TPO: variants seen among roughly 807,000 people sequenced by gnomAD.
TPO encodes thyroid microsomal antigen.
TPO carries 78 observed loss-of-function variants against 96.9 expected under a neutral mutation model. The observed-to-expected ratio is 0.81, with a 90% CI of 0.67 to 0.97. The LOEUF (loss-of-function observed/expected upper bound fraction) is 0.97. Ranked by LOEUF, TPO falls within the 50% of genes least tolerant of loss-of-function variation. TPO has a pLI of 0.00. For missense variants in TPO, 1,252 were observed against 1,274.8 expected (o/e 0.98, Z 0.27); for synonymous variants, 547 against 538.0 (o/e 1.02, Z -0.23).
At chr2:1,482,650 A>G (rs1381869744) in intron 8 of TPO, among the ~76,000 whole-genome samples, 2 of 152,192 alleles carry the variant, frequency 1.3e-5, no homozygotes, top group Admixed American at 1.3e-4. Context: ...TGAAAATTCC[A>G]GAGAGCTGTT....
intron 13 of TPO, among the ~76,000 whole-genome samples, chr2:1,497,375 G>T (rs868162794): frequency 6.6e-6 from 1 of 152,234 alleles, no homozygotes; most frequent in Non-Finnish European, 1.5e-5. Context: ...GCACCTGGGA[G>T]CAGGTGTGCT....
At chr2:1,528,220 C>G in intron 15 of TPO, among the ~76,000 whole-genome samples, 1 of 129,596 alleles carries the variant, frequency 7.7e-6, no homozygotes, top group Admixed American at 7.8e-5. Context: ...TCCAATCCCC[C>G]CACTGTGTGA....
At chr2:1,439,480 C>A (rs1426585160) in intron 5 of TPO, 1 of 152,190 alleles carries the variant, frequency 6.6e-6, no homozygotes, top group African/African-American at 2.4e-5. Flanking sequence ...TTTTTCTCTG[C>A]AGGCCTGTTA....
chr2:1,493,846 A>T lies in TPO; in HGVS notation c.1813A>T (p.Thr605Ser), dbSNP rs61748996. The change falls in exon 11 of 17, where the codon ACC becomes TCC. Residue 605 changes from threonine to serine, a missense_variant. Coordinates refer to ENST00000329066, the MANE Select transcript of TPO (RefSeq NM_001206744.2). ...REFCGLPRLE[T>S]PADLSTAIAS... ...GTTCTGCGGCCTGCCTCGCCTGGAG[A>T]CCCCCGCTGACCTGAGCACAGCCAT... 3.4e-4 allele frequency: 556 copies of T among 1,613,644 alleles called. 3 individuals are homozygous for T. The African/African-American group carries it at 7.1e-3, about 21-fold the overall frequency.
intron 1 of TPO, among the ~76,000 whole-genome samples, chr2:1,386,805 A>C (rs922139999): frequency 2.6e-5 from 4 of 152,092 alleles, no homozygotes; most frequent in Non-Finnish European, 5.9e-5. Flanking sequence ...TCTTCCTAGC[A>C]TCGATGGTCT....
intron 13 of TPO, among the ~76,000 whole-genome samples, chr2:1,501,907 G>A (rs1489295898): frequency 1.3e-5 from 2 of 152,136 alleles, no homozygotes; most frequent in African/African-American, 4.8e-5. Flanking sequence ...ACTTTGTGAT[G>A]ATTTTTCCCA....
intron 1 of TPO, among the ~76,000 whole-genome samples, chr2:1,384,941 A>G (rs2148348869): frequency 6.6e-6 from 1 of 152,316 alleles, no homozygotes; most frequent in Non-Finnish European, 1.5e-5. Context: ...AATTTTGTCA[A>G]AGGCCTTTTC....
At chr2:1,432,553 G>A (rs1222935281) in intron 3 of TPO, among the ~76,000 whole-genome samples, 2 of 137,320 alleles carry the variant, frequency 1.5e-5, no homozygotes, top group Non-Finnish European at 3.2e-5. Context: ...GGAGAGGCCT[G>A]CAGGTGGGGT....
chr2:1,505,955 G>A (rs931185068), intron 14 of TPO, among the ~76,000 whole-genome samples: 11 of 150,850 alleles, frequency 7.3e-5, no homozygotes, highest in African/African-American at 2.7e-4. Flanking sequence ...TTGGTGTGCT[G>A]CACCCATTAA....
intron 12 of TPO, 39 bp downstream of exon 12, chr2:1,496,236 T>C (rs1672322473): frequency 2.5e-6 from 4 of 1,600,472 alleles, no homozygotes; most frequent in Non-Finnish European, 3.4e-6. Context: ...TTACAGCACG[T>C]GCATCTCATC....
intron 7 of TPO, among the ~76,000 whole-genome samples, chr2:1,475,598 T>C (rs1669832965): frequency 6.6e-6 from 1 of 152,044 alleles, no homozygotes; most frequent in South Asian, 2.1e-4. Context: ...TAATTTTTTG[T>C]ATTTTAAGTA....
chr2:1,378,786 G>A (rs1661760944), intron 1 of TPO, among the ~76,000 whole-genome samples: 1 of 152,198 alleles, frequency 6.6e-6, no homozygotes, highest in South Asian at 2.1e-4. Flanking sequence ...CTGAGCTGCT[G>A]TAGGGTGAAG....
At chr2:1,493,028 C>G (rs921460860) in intron 10 of TPO, among the ~76,000 whole-genome samples, 2 of 152,028 alleles carry the variant, frequency 1.3e-5, no homozygotes, top group African/African-American at 2.4e-5. Context: ...GCCACAGAGT[C>G]AGACCATGGA....
chr2:1,492,848 G>A (rs1051089191), intron 10 of TPO, among the ~76,000 whole-genome samples: 1 of 152,136 alleles, frequency 6.6e-6, no homozygotes, highest in Non-Finnish European at 1.5e-5. Context: ...CAGTAGCAGA[G>A]GCCCTGGGCG....
intron 1 of TPO, among the ~76,000 whole-genome samples, chr2:1,404,165 T>C (rs1224234050): frequency 6.6e-6 from 1 of 152,130 alleles, no homozygotes; most frequent in Admixed American, 6.5e-5. Context: ...CAGGCAAGCA[T>C]TTTTTTCACC....
chr2:1,506,978 G>T (rs1468706563), intron 14 of TPO, among the ~76,000 whole-genome samples: 3 of 151,892 alleles, frequency 2.0e-5, no homozygotes, highest in Admixed American at 1.3e-4. Flanking sequence ...GTCCTGAATG[G>T]TATTGCCTAG....
intron 11 of TPO, among the ~76,000 whole-genome samples, chr2:1,494,529 G>A (rs1162291802): frequency 2.6e-5 from 4 of 152,152 alleles, no homozygotes; most frequent in African/African-American, 7.2e-5. Flanking sequence ...GAAAGCTGAG[G>A]TCCCGCTTTG....
intron 13 of TPO, 62 bp from the exon 14 acceptor site, chr2:1,503,886 G>A (rs146115277): frequency 2.9e-5 from 46 of 1,613,482 alleles, no homozygotes; most frequent in Non-Finnish European, 3.3e-5. Flanking sequence ...AACGGGGGTC[G>A]CTCGCGGGAG....
rs59016954 is a variant in TPO at position 1,437,836 on chromosome 2, G to GGC, written c.482+1453_482+1454insCG. ...GTCCACCCCTCCTGCCCTGAAGCCT[G>GGC]GGGGGGGGTCTGTGCCTTCCCGTGG... On this transcript the variant is annotated intron_variant, in intron 5 of 16. Coordinates refer to ENST00000329066, the MANE Select transcript of TPO (RefSeq NM_001206744.2). Among the ~76,000 whole-genome samples, 14 of 83,044 alleles carry GGC rather than the reference G, an allele frequency of 1.7e-4. No homozygotes were observed. The East Asian group carries it at 6.6e-3, about 39-fold the overall frequency. The allele number at this position is 83,044 out of a possible 152,430, so 54.5% of individuals were successfully genotyped here.
Sources: allele counts gnomAD v4.1 joint callset (sites outside exome capture counted in the v4.1 genomes callset), GRCh38; gene constraint gnomAD v4.1.1; transcripts MANE v1.5; gene names NCBI Gene and HGNC (gene_info 2026-07-23, HGNC 2026-07-21).